POC1B: variants seen among roughly 807,000 people sequenced by gnomAD.
POC1B encodes POC1 centriolar protein homolog B.
POC1B carries 44 observed loss-of-function variants against 60.6 expected under a neutral mutation model. The ratio of observed to expected loss-of-function variants is 0.73; its 90% CI spans 0.57 to 0.93. The LOEUF is 0.93. Ranked by LOEUF, POC1B falls within the 40% of genes least tolerant of loss-of-function variation. The pLI is 0.00. For synonymous variants in POC1B, 180 were observed against 198.9 expected, an observed-to-expected ratio of 0.90 and a Z score of 0.80; for missense variants, 555 against 572.3, an observed-to-expected ratio of 0.97 and a Z score of 0.31.
At chr12:89,434,876 T>C (rs1328453750) in intron 10 of POC1B, among the ~76,000 whole-genome samples, 2 of 152,190 alleles carry the variant, frequency 1.3e-5, no homozygotes, top group Non-Finnish European at 2.9e-5. Context: ...AAATAAGATA[T>C]TTTCAGATGT....
At chr12:89,410,577 G>A in the POC1B span, among the ~76,000 whole-genome samples, 2 of 152,026 alleles carry the variant, frequency 1.3e-5, no homozygotes, top group Non-Finnish European at 2.9e-5. Flanking sequence ...CTACTCGGGA[G>A]GCTGAGGCAG....
chr12:89,524,655 C>T (rs1428102923), intron 2 of POC1B: 10 of 1,215,798 alleles, frequency 8.2e-6, no homozygotes, highest in South Asian at 1.4e-5. Context: ...CAGGTTCTTC[C>T]TTTCATGCAG....
chr12:89,421,935 C>T (rs144503133), intron 11 of POC1B, among the ~76,000 whole-genome samples: 29 of 152,124 alleles, frequency 1.9e-4, no homozygotes, highest in Non-Finnish European at 3.4e-4. Flanking sequence ...TATACAAACA[C>T]ATATACATAT....
chr12:89,464,247 A>C (rs1882589116), intron 9 of POC1B, among the ~76,000 whole-genome samples: 1 of 152,188 alleles, frequency 6.6e-6, no homozygotes. Flanking sequence ...TACTGAATTT[A>C]GTATTTCAAA....
intron 4 of POC1B, among the ~76,000 whole-genome samples, chr12:89,488,459 T>G (rs1008876848): frequency 6.6e-6 from 1 of 152,140 alleles, no homozygotes; most frequent in African/African-American, 2.4e-5. Context: ...CAAAAACAGC[T>G]ATTATTATTA....
chr12:89,444,542 A>G (rs912978515), intron 10 of POC1B, among the ~76,000 whole-genome samples: 1 of 152,256 alleles, frequency 6.6e-6, no homozygotes. Context: ...AAGGCCTTCA[A>G]CAAAATTCAA....
At chr12:89,456,528 A>T (rs1267335920) in intron 10 of POC1B, among the ~76,000 whole-genome samples, 1 of 152,222 alleles carries the variant, frequency 6.6e-6, no homozygotes, top group African/African-American at 2.4e-5. Flanking sequence ...CTTGAACTAA[A>T]TAATCTTTAG....
the POC1B span, among the ~76,000 whole-genome samples, chr12:89,409,456 G>T: frequency 6.6e-6 from 1 of 151,992 alleles, no homozygotes; most frequent in Non-Finnish European, 1.5e-5. Flanking sequence ...TATTTCTGAG[G>T]GCTCTGTTCT....
At chr12:89,431,548 A>G (rs1352020358) in intron 10 of POC1B, among the ~76,000 whole-genome samples, 2 of 152,238 alleles carry the variant, frequency 1.3e-5, no homozygotes, top group African/African-American at 2.4e-5. Flanking sequence ...ACAAAAATAA[A>G]AGCAAATATT....
At chr12:89,437,063 T>C (rs569974611) in intron 10 of POC1B, among the ~76,000 whole-genome samples, 2 of 152,266 alleles carry the variant, frequency 1.3e-5, no homozygotes, top group East Asian at 3.9e-4. Flanking sequence ...ACTTATTGAC[T>C]CTCTTCAATA....
At chr12:89,414,765 T>C (rs1299731737), downstream of POC1B, among the ~76,000 whole-genome samples, 1 of 152,204 alleles carries the variant, frequency 6.6e-6, no homozygotes, top group Non-Finnish European at 1.5e-5. Context: ...ATAACTGTTT[T>C]TTTTGTCTCA....
intron 2 of POC1B, chr12:89,501,392 C>T (rs1213391772): frequency 9.9e-7 from 1 of 1,006,806 alleles, no homozygotes; most frequent in East Asian, 2.4e-5. Flanking sequence ...GCTAAACCAG[C>T]TGAAGAACAG....
chr12:89,461,107 CTAACAT>C (rs907005049), intron 9 of POC1B: 2 of 149,402 alleles, frequency 1.3e-5, no homozygotes, highest in African/African-American at 4.9e-5. Context: ...ATAAAATACA[CTAACAT>C]TAATGATAGC....
At chr12:89,411,324 C>G in the POC1B span, among the ~76,000 whole-genome samples, 1 of 152,162 alleles carries the variant, frequency 6.6e-6, no homozygotes, top group African/African-American at 2.4e-5. Context: ...CAATCCTAAG[C>G]AAAAAGAACA....
chr12:89,500,222 GAA>G lies in POC1B; in HGVS notation c.101-2882_101-2881del. 1.9e-6 allele frequency: 3 copies of G among 1,588,444 alleles called. No homozygotes were observed. The Admixed American group carries it at 5.2e-5, about 28-fold the overall frequency. On this transcript the variant is annotated intron_variant, in intron 2 of 11. Transcript: ENST00000313546. ...GGAAATCTTACAAGACTGTTTTGAA[GAA>G]AAAAGTCTTGCCAATGATTTTAGCA... is the stretch of plus-strand genomic sequence containing the variant.
intron 10 of POC1B, among the ~76,000 whole-genome samples, chr12:89,436,591 G>C (rs549156405): frequency 6.6e-6 from 1 of 152,214 alleles, no homozygotes; most frequent in Admixed American, 6.5e-5. Flanking sequence ...GCATGTGCCT[G>C]TAGTCCCAGC....
chr12:89,503,239 C>A (rs1388454755), intron 2 of POC1B, among the ~76,000 whole-genome samples: 1 of 148,508 alleles, frequency 6.7e-6, no homozygotes, highest in South Asian at 2.3e-4. Context: ...CTCAGCCTGC[C>A]GAGTGCCTGC....
intron 2 of POC1B, chr12:89,502,535 A>T (rs1413995521): frequency 9.0e-7 from 1 of 1,111,690 alleles, no homozygotes; most frequent in Non-Finnish European, 1.3e-6. Context: ...AAGAAAGACT[A>T]GCTTAATGGT....
intron 4 of POC1B, among the ~76,000 whole-genome samples, chr12:89,473,916 A>G (rs1294610481): frequency 6.6e-6 from 1 of 151,550 alleles, no homozygotes; most frequent in East Asian, 2.0e-4. Flanking sequence ...AATAATTATA[A>G]AAAACTGGCC....
Sources: allele counts gnomAD v4.1 joint callset (sites outside exome capture counted in the v4.1 genomes callset), GRCh38; gene constraint gnomAD v4.1.1; transcripts MANE v1.5; gene names NCBI Gene and HGNC (gene_info 2026-07-23, HGNC 2026-07-21).